HTR3B: variants seen among roughly 807,000 people sequenced by gnomAD.
HTR3B encodes the protein 5-hydroxytryptamine (serotonin) receptor 3B, ionotropic.
A neutral mutation model predicts 42.8 loss-of-function variants in HTR3B; 44 were observed. The ratio of observed to expected loss-of-function variants is 1.03; its 90% CI spans 0.81 to 1.32. The LOEUF (loss-of-function observed/expected upper bound fraction) is 1.32. HTR3B is among the 40% of genes most tolerant of loss of function. HTR3B has a pLI of 0.00. For synonymous variants in HTR3B, 203 were observed against 209.0 expected (o/e 0.97, Z 0.25); for missense variants, 527 against 536.5 (o/e 0.98, Z 0.17).
chr11:113,946,127 G>C lies in HTR3B; in HGVS notation c.1316G>C (p.Gly439Ala). The change falls in exon 9 of 9, where the codon GGC (glycine) becomes GCC (alanine). Residue 439 changes from glycine to alanine, a missense_variant. By Grantham distance (60) the Gly-to-Ala change is moderately conservative. Transcript: ENST00000260191. Reference sequence around the variant, plus strand: ...CTGTGCTCCCTCTGGGCACTGTGGGGCGGCGTGTGAAGACTGAAGTGTTCT... The same window carrying C: ...CTGTGCTCCCTCTGGGCACTGTGGGCCGGCGTGTGAAGACTGAAGTGTTCT... ...ITLCSLWALWGGV is the reference protein window; with the variant it reads ...ITLCSLWALWAGV 6.2e-7 allele frequency: 1 copy of C among 1,612,176 alleles called. No homozygotes were observed.
At position 113,931,793 on chromosome 11, in the gene HTR3B, C is replaced by T. The variant is rs1334319878; in HGVS notation, c.294C>T (p.Ser98=). 2 of 1,612,384 alleles carry T rather than the reference C, an allele frequency of 1.2e-6. No individual in the cohort carries two copies. Among genetic ancestry groups the T allele is most frequent in the Admixed American group, 1.7e-5 (1 of 60,016 alleles). The change falls in exon 4 of 9, where the codon AGC becomes AGT. Residue 98 remains serine (S), a synonymous_variant. Coordinates refer to ENST00000260191, the MANE Select transcript of HTR3B (RefSeq NM_006028.5). ...WNDEFLSWNS[S]MFDEIREISL... is the part of the protein sequence containing the mutation. The stretch of plus-strand genomic sequence containing the variant: ...ATGAATTTTTATCCTGGAACTCCAG[C>T]ATGTTTGATGAGATTAGAGAGATCT...
At chr11:113,925,352 G>T (rs943895625) in intron 2 of HTR3B, among the ~76,000 whole-genome samples, 2 of 151,068 alleles carry the variant, frequency 1.3e-5, no homozygotes, top group Non-Finnish European at 2.9e-5. Flanking sequence ...ACAGAAATAC[G>T]AATGTTACCT....
chr11:113,904,473 G>A (rs969525207), upstream of HTR3B, among the ~76,000 whole-genome samples: 1 of 152,216 alleles, frequency 6.6e-6, no homozygotes, highest in Non-Finnish European at 1.5e-5. Flanking sequence ...TGCTGAAGAT[G>A]TTACTGCATA....
chr11:113,925,051 C>T (rs1039023549), intron 2 of HTR3B, among the ~76,000 whole-genome samples: 1 of 152,184 alleles, frequency 6.6e-6, no homozygotes, highest in African/African-American at 2.4e-5. Flanking sequence ...ATGATGCCAC[C>T]TGGCGCAGAG....
intron 6 of HTR3B, among the ~76,000 whole-genome samples, chr11:113,936,022 A>G (rs45570136): frequency 0.053 from 8,043 of 152,140 alleles, 274 homozygotes; most frequent in African/African-American, 0.081. Context: ...GTCAGGCTAC[A>G]TTCCACAGGG....
chr11:113,917,263 G>T (rs1716512317), intron 2 of HTR3B, among the ~76,000 whole-genome samples: 1 of 151,862 alleles, frequency 6.6e-6, no homozygotes, highest in South Asian at 2.1e-4. Flanking sequence ...CTGCTGAGTA[G>T]CTGGGATTAC....
At chr11:113,925,145 T>C (rs1391532877) in intron 2 of HTR3B, among the ~76,000 whole-genome samples, 4 of 152,152 alleles carry the variant, frequency 2.6e-5, no homozygotes, top group African/African-American at 9.7e-5. Context: ...TGACCCCCTA[T>C]CCAACCTGAA....
intron 2 of HTR3B, among the ~76,000 whole-genome samples, chr11:113,915,599 A>C (rs1048156696): frequency 2.0e-5 from 3 of 152,170 alleles, no homozygotes; most frequent in Non-Finnish European, 2.9e-5. Flanking sequence ...GGACACATGG[A>C]TTGTTTCCAT....
intron 6 of HTR3B, 71 bp from the exon 7 acceptor site, chr11:113,942,911 C>T (rs1950147135): frequency 7.6e-7 from 1 of 1,319,628 alleles, no homozygotes; most frequent in Non-Finnish European, 1.1e-6. Flanking sequence ...GAATTCCTGG[C>T]TATGAATTTG....
Position 113,932,164 on chromosome 11 carries a change from C to T in HTR3B, c.369-125C>T, listed in dbSNP as rs150944907. 271 of 762,674 alleles carry T rather than the reference C, an allele frequency of 3.6e-4. 1 individual carries two copies. The highest frequency in any genetic ancestry group is 3.4e-3 in the African/African-American group (192 of 57,310). 47.2% of individuals were successfully genotyped at this position (762,674 alleles called of 1,614,324 possible). A position where few individuals can be genotyped will look rare whatever the true frequency, so the allele number is the denominator to read the frequency against. ...AGGGTGAATCATCTCATGGAAAATG[C>T]GATTCTGTTTTGCAGGGCTAGGCTG... is the stretch of plus-strand genomic sequence containing the variant. On this transcript the variant is annotated intron_variant, in intron 4 of 8. Coordinates refer to ENST00000260191, the MANE Select transcript of HTR3B (RefSeq NM_006028.5).
At chr11:113,917,765 C>T (rs1169787817) in intron 2 of HTR3B, among the ~76,000 whole-genome samples, 1 of 152,032 alleles carries the variant, frequency 6.6e-6, no homozygotes, top group Admixed American at 6.6e-5. Flanking sequence ...CCACCACACC[C>T]AGCTGGTTTT....
chr11:113,906,441 T>C (rs543964921), intron 1 of HTR3B, among the ~76,000 whole-genome samples: 2 of 152,128 alleles, frequency 1.3e-5, no homozygotes, highest in Non-Finnish European at 2.9e-5. Context: ...TAAGCTAACT[T>C]TATTTTGGAT....
At chr11:113,923,480 C>G (rs116953992) in intron 2 of HTR3B, among the ~76,000 whole-genome samples, 3,195 of 152,220 alleles carry the variant, frequency 0.021, 44 homozygotes, top group Non-Finnish European at 0.034. Context: ...ATCCCAGATA[C>G]CTTTGTATTC....
chr11:113,944,209 G>A (rs1471821604), intron 7 of HTR3B, among the ~76,000 whole-genome samples: 3 of 151,946 alleles, frequency 2.0e-5, no homozygotes, highest in East Asian at 1.9e-4. Flanking sequence ...TAGTATAGAC[G>A]GGGTTTCACT....
At chr11:113,905,413 A>G (rs559131193) in intron 1 of HTR3B, among the ~76,000 whole-genome samples, 35 of 152,294 alleles carry the variant, frequency 2.3e-4, no homozygotes, top group Middle Eastern at 3.4e-3. Context: ...GAAAAAGTCC[A>G]CTAGATTTGT....
upstream of HTR3B, among the ~76,000 whole-genome samples, chr11:113,902,830 A>C (rs1252909359): frequency 6.6e-6 from 1 of 152,160 alleles, no homozygotes; most frequent in Non-Finnish European, 1.5e-5. Context: ...TAGGTTCCTC[A>C]GTCTTTCCTT....
intron 2 of HTR3B, among the ~76,000 whole-genome samples, chr11:113,916,132 C>T (rs915171942): frequency 2.6e-5 from 4 of 152,208 alleles, no homozygotes; most frequent in Non-Finnish European, 5.9e-5. Context: ...CCACCGTGCC[C>T]GGCCCAATCT....
intron 2 of HTR3B, among the ~76,000 whole-genome samples, chr11:113,916,264 T>A (rs529499183): frequency 2.0e-5 from 3 of 152,368 alleles, no homozygotes; most frequent in African/African-American, 7.2e-5. Context: ...AATTGCCAAC[T>A]GTATATCTTC....
chr11:113,932,499 C>G lies in HTR3B; in HGVS notation c.538+41C>G, dbSNP rs772960625. 2.0e-6 allele frequency: 3 copies of G among 1,469,584 alleles called. No individual in the cohort carries two copies. In the South Asian group the frequency reaches 3.5e-5, roughly 17 times the overall value. The allele number at this position is 1,469,584 out of a possible 1,614,324, so 91.0% of individuals were successfully genotyped here. ...TACCCATTAATGCTAGGTTGGTGCACATAGGTGAAATGATATTATACTATC... is the reference window on the plus strand; with the variant it reads ...TACCCATTAATGCTAGGTTGGTGCAGATAGGTGAAATGATATTATACTATC... On this transcript the variant is annotated intron_variant, in intron 5 of 8. Coordinates refer to ENST00000260191, the MANE Select transcript of HTR3B (RefSeq NM_006028.5).
Sources: allele counts gnomAD v4.1 joint callset (sites outside exome capture counted in the v4.1 genomes callset), GRCh38; gene constraint gnomAD v4.1.1; transcripts MANE v1.5; gene names NCBI Gene and HGNC (gene_info 2026-07-23, HGNC 2026-07-21).